The following CIMAP3 variants were observed in gnomAD, a reference collection of about 807,000 sequenced individuals.
CIMAP3 encodes ciliary microtubule-associated protein 3.
the CIMAP3 span, chr1:111,346,834 G>C: frequency 6.3e-7 from 1 of 1,587,420 alleles, no homozygotes; most frequent in Non-Finnish European, 8.6e-7. Context: ...CAGTCTCCCC[G>C]ACCTTCCCCT....
At chr1:111,348,722 C>T in the CIMAP3 span, 1 of 1,383,762 alleles carries the variant, frequency 7.2e-7, no homozygotes. Context: ...AAAAGAAGCA[C>T]ATAAAGAAGG....
the CIMAP3 span, among the ~76,000 whole-genome samples, chr1:111,332,680 C>G: frequency 6.6e-6 from 1 of 152,182 alleles, no homozygotes. Context: ...GACACAGACA[C>G]AGGGCTGCTC....
chr1:111,332,880 T>A, the CIMAP3 span, among the ~76,000 whole-genome samples: 2 of 152,160 alleles, frequency 1.3e-5, no homozygotes, highest in African/African-American at 4.8e-5. Context: ...TGTGAATTTC[T>A]CAGTCCTGGG....
At chr1:111,347,624 T>G in the CIMAP3 span, 2 of 811,066 alleles carry the variant, frequency 2.5e-6, no homozygotes, top group Non-Finnish European at 1.8e-6. Flanking sequence ...TTTTCTTTCT[T>G]TTTTTTTTTT....
the CIMAP3 span, among the ~76,000 whole-genome samples, chr1:111,330,891 G>A: frequency 6.6e-6 from 1 of 152,224 alleles, no homozygotes; most frequent in Non-Finnish European, 1.5e-5. Flanking sequence ...AGCAGTTGTG[G>A]GGACCCATGG....
the CIMAP3 span, among the ~76,000 whole-genome samples, chr1:111,335,513 C>T: frequency 1.3e-3 from 192 of 152,294 alleles, 2 homozygotes; most frequent in African/African-American, 2.0e-3. Context: ...TGTGCTTTTC[C>T]GATGGGCTTA....
At chr1:111,350,283 T>A in the CIMAP3 span, 1 of 1,351,682 alleles carries the variant, frequency 7.4e-7, no homozygotes, top group Non-Finnish European at 1.0e-6. Context: ...TCATAGGTAT[T>A]AGGGACTCTT....
chr1:111,335,127 C>CAAAAAAAAAAAAA, the CIMAP3 span, among the ~76,000 whole-genome samples: 4 of 29,336 alleles, frequency 1.4e-4, no homozygotes, highest in Non-Finnish European at 2.4e-4. Context: ...GTCTCTGTCT[C>CAAAAAAAAAAAAA]AAAAAAAAAA....
chr1:111,340,514 AAAAC>A, the CIMAP3 span, among the ~76,000 whole-genome samples: 1 of 151,980 alleles, frequency 6.6e-6, no homozygotes, highest in Non-Finnish European at 1.5e-5. Flanking sequence ...TTACAAGAAA[AAAAC>A]AAACAACCCC....
At chr1:111,335,908 C>G in the CIMAP3 span, among the ~76,000 whole-genome samples, 1 of 152,218 alleles carries the variant, frequency 6.6e-6, no homozygotes, top group East Asian at 1.9e-4. Context: ...TCAAGTGGGT[C>G]CCTGACCCCT....
the CIMAP3 span, among the ~76,000 whole-genome samples, chr1:111,338,929 G>C: frequency 7.9e-3 from 1,197 of 152,278 alleles, 16 homozygotes; most frequent in African/African-American, 0.027. Context: ...CAATATCCTT[G>C]ATGAAATTTG....
At chr1:111,344,953 A>T in the CIMAP3 span, among the ~76,000 whole-genome samples, 1 of 152,292 alleles carries the variant, frequency 6.6e-6, no homozygotes, top group East Asian at 1.9e-4. Context: ...TGTTTAGGTA[A>T]GTTTAGATAC....
the CIMAP3 span, among the ~76,000 whole-genome samples, chr1:111,335,019 T>C: frequency 6.7e-6 from 1 of 148,960 alleles, no homozygotes; most frequent in Non-Finnish European, 1.5e-5. Flanking sequence ...TTCCAACTAC[T>C]TGGGAGGCTG....
At chr1:111,335,127 CAAAAAA>C in the CIMAP3 span, among the ~76,000 whole-genome samples, 60 of 29,330 alleles carry the variant, frequency 2.0e-3, no homozygotes, top group African/African-American at 7.1e-3. Flanking sequence ...GTCTCTGTCT[CAAAAAA>C]AAAAAAAAAA....
At chr1:111,352,185 CCT>C in the CIMAP3 span, 1 of 152,264 alleles carries the variant, frequency 6.6e-6, no homozygotes, top group Non-Finnish European at 1.5e-5. Flanking sequence ...GAGATAGACC[CCT>C]TTCTTTCCAG....
chr1:111,328,746 C>T, the CIMAP3 span, among the ~76,000 whole-genome samples: 38 of 152,176 alleles, frequency 2.5e-4, no homozygotes, highest in African/African-American at 8.9e-4. Flanking sequence ...AGTGTCATTA[C>T]TTGTGAGATA....
the CIMAP3 span, chr1:111,350,318 C>A: frequency 9.7e-7 from 1 of 1,030,444 alleles, no homozygotes; most frequent in South Asian, 1.7e-5. Context: ...GAATGAACTT[C>A]AGGAAGTCCT....
At chr1:111,339,875 CA>C in the CIMAP3 span, among the ~76,000 whole-genome samples, 6 of 151,516 alleles carry the variant, frequency 4.0e-5, no homozygotes, top group Non-Finnish European at 4.4e-5. Context: ...CATATGGAAC[CA>C]AAAAAGAGCC....
chr1:111,332,822 G>T, the CIMAP3 span, among the ~76,000 whole-genome samples: 1 of 152,146 alleles, frequency 6.6e-6, no homozygotes, highest in East Asian at 1.9e-4. Context: ...CAGAACATGA[G>T]CAAACAGCTG....
Sources: allele counts gnomAD v4.1 joint callset (sites outside exome capture counted in the v4.1 genomes callset), GRCh38; gene constraint gnomAD v4.1.1; transcripts MANE v1.5; gene names NCBI Gene and HGNC (gene_info 2026-07-23, HGNC 2026-07-21).